ABI3BP: variants seen among roughly 807,000 people sequenced by gnomAD.
ABI3BP encodes the protein ABI family member 3 binding protein.
In ABI3BP, 216 loss-of-function variants were observed where a neutral mutation model predicts 268.6. The observed-to-expected ratio is 0.80, with a 90% CI of 0.72 to 0.90. The LOEUF (loss-of-function observed/expected upper bound fraction) is 0.90. Among genes scored for constraint, ABI3BP ranks in the 40% least tolerant of loss-of-function variants. The pLI, the probability that ABI3BP is intolerant of heterozygous loss-of-function variation, is 0.00. For missense variants in ABI3BP, 2,090 were observed against 2,182.4 expected (o/e 0.96, Z 0.84); for synonymous variants, 730 against 730.0 (o/e 1.00, Z 0.00).
chr3:100,846,963 T>C (rs567354464), intron 19 of ABI3BP, among the ~76,000 whole-genome samples: 53 of 152,346 alleles, frequency 3.5e-4, no homozygotes, highest in African/African-American at 1.2e-3. Flanking sequence ...TATATTTTTA[T>C]CAGCTTTATA....
At chr3:100,955,935 C>T (rs7632416) in intron 1 of ABI3BP, among the ~76,000 whole-genome samples, 85,594 of 151,850 alleles carry the variant, frequency 0.56, 24,783 homozygotes, top group East Asian at 0.89. Context: ...CACTTGTAAT[C>T]CCAGCATTTT....
intron 1 of ABI3BP, among the ~76,000 whole-genome samples, chr3:100,939,420 C>T (rs144236942): frequency 1.7e-3 from 259 of 152,062 alleles, no homozygotes; most frequent in African/African-American, 5.9e-3. Flanking sequence ...TTTCCTTAAG[C>T]GTCAGCCAGC....
At chr3:100,753,239 T>A (rs2095432748) in intron 65 of ABI3BP, among the ~76,000 whole-genome samples, 1 of 152,134 alleles carries the variant, frequency 6.6e-6, no homozygotes, top group Non-Finnish European at 1.5e-5. Context: ...TGTAGCATGT[T>A]ATAAAGTTTA....
At chr3:100,777,505 A>C (rs916228557) in intron 59 of ABI3BP, among the ~76,000 whole-genome samples, 1 of 152,252 alleles carries the variant, frequency 6.6e-6, no homozygotes, top group Admixed American at 6.5e-5. Flanking sequence ...GGACTTTGTC[A>C]TCACAGAGCT....
chr3:100,751,184 C>T (rs1559769714), intron 67 of ABI3BP, among the ~76,000 whole-genome samples: 1 of 151,946 alleles, frequency 6.6e-6, no homozygotes, highest in Non-Finnish European at 1.5e-5. Context: ...ACTATTTTTT[C>T]CATTTATGAT....
chr3:100,885,631 G>C, intron 5 of ABI3BP, 43 bp from the exon 6 acceptor site: 2 of 1,250,806 alleles, frequency 1.6e-6, no homozygotes, highest in South Asian at 1.4e-5. Context: ...TATTCTCCTT[G>C]CTCCTAAATC....
At chr3:100,787,436 G>A (rs569076387) in intron 57 of ABI3BP, among the ~76,000 whole-genome samples, 2 of 152,202 alleles carry the variant, frequency 1.3e-5, no homozygotes, top group South Asian at 4.1e-4. Flanking sequence ...AGGGGAAATA[G>A]CTATTTTTAG....
chr3:100,979,837 A>G (rs565026644), intron 1 of ABI3BP, among the ~76,000 whole-genome samples: 1 of 152,352 alleles, frequency 6.6e-6, no homozygotes, highest in African/African-American at 2.4e-5. Flanking sequence ...CCTTGTAAAC[A>G]TCTGAGAAAG....
chr3:100,932,189 T>C (rs534613864), intron 1 of ABI3BP, among the ~76,000 whole-genome samples: 1 of 152,146 alleles, frequency 6.6e-6, no homozygotes. Context: ...CCTTTCACCA[T>C]ATATAAAAAT....
At chr3:100,799,633 T>C (rs2097461466) in intron 51 of ABI3BP, among the ~76,000 whole-genome samples, 1 of 152,120 alleles carries the variant, frequency 6.6e-6, no homozygotes, top group African/African-American at 2.4e-5. Context: ...TTCTTAGGCC[T>C]TTTCCTGCCT....
chr3:100,768,627 A>T (rs942485050), intron 62 of ABI3BP, among the ~76,000 whole-genome samples: 1 of 152,232 alleles, frequency 6.6e-6, no homozygotes, highest in Non-Finnish European at 1.5e-5. Flanking sequence ...GATAAACATT[A>T]ACAATTTCTA....
At chr3:100,884,889 C>T (rs1269979813) in intron 6 of ABI3BP, among the ~76,000 whole-genome samples, 1 of 152,074 alleles carries the variant, frequency 6.6e-6, no homozygotes, top group Non-Finnish European at 1.5e-5. Flanking sequence ...TCTGTGGTGG[C>T]TCTAACAGTG....
At chr3:100,954,316 T>G (rs2076106389) in intron 1 of ABI3BP, among the ~76,000 whole-genome samples, 1 of 152,180 alleles carries the variant, frequency 6.6e-6, no homozygotes, top group Non-Finnish European at 1.5e-5. Flanking sequence ...ATTTTTTCTT[T>G]TGGTAAAATT....
rs758055236 is a variant in ABI3BP at position 100,822,640 on chromosome 3, G to T, written c.2836C>A (p.Arg946Ser). 2.0e-6 allele frequency: 3 copies of T among 1,536,452 alleles called. No homozygotes were observed. In the African/African-American group the frequency reaches 4.1e-5, roughly 21 times the overall value. The change falls in exon 38 of 68, where the codon CGT (arginine) becomes AGT (serine). Residue 946 changes from arginine to serine, a missense_variant. Physicochemically the swap from Arg to Ser is moderately radical, Grantham distance 110. Coordinates refer to ENST00000471714, the MANE Select transcript of ABI3BP (RefSeq NM_001375547.2). ...CGTGGTGTGGTTTTTGTTCTGAGAC[G>T]TGGACGACGTGTCCGTTGTGATGTT... Reference protein sequence around the residue: ...SKTSQRTRRPRLRTKTTPRPE... With the variant: ...SKTSQRTRRPSLRTKTTPRPE...
At chr3:100,888,442 C>T (rs2042977805) in intron 4 of ABI3BP, among the ~76,000 whole-genome samples, 1 of 152,050 alleles carries the variant, frequency 6.6e-6, no homozygotes, top group Non-Finnish European at 1.5e-5. Context: ...AATTATGCAT[C>T]TCTAGTAGAT....
At chr3:100,893,541 G>A (rs1331147801) in intron 4 of ABI3BP, among the ~76,000 whole-genome samples, 1 of 152,092 alleles carries the variant, frequency 6.6e-6, no homozygotes, top group East Asian at 1.9e-4. Flanking sequence ...ACTCTACTGG[G>A]TTTAGTAACT....
At chr3:100,750,823 G>A (rs1172641060) in intron 67 of ABI3BP, among the ~76,000 whole-genome samples, 3 of 152,132 alleles carry the variant, frequency 2.0e-5, no homozygotes, top group South Asian at 2.1e-4. Flanking sequence ...GACATTTGCC[G>A]TGTCAAGTTA....
intron 1 of ABI3BP, among the ~76,000 whole-genome samples, chr3:100,980,635 G>A (rs907918446): frequency 6.6e-6 from 1 of 152,204 alleles, no homozygotes; most frequent in Non-Finnish European, 1.5e-5. Context: ...AGGAAAATTT[G>A]GAAGTCATCT....
At chr3:100,870,014 T>C (rs1449771816) in intron 9 of ABI3BP, among the ~76,000 whole-genome samples, 1 of 152,194 alleles carries the variant, frequency 6.6e-6, no homozygotes, top group Non-Finnish European at 1.5e-5. Flanking sequence ...GAACAAGCTA[T>C]TATACTTCTT....
Sources: allele counts gnomAD v4.1 joint callset (sites outside exome capture counted in the v4.1 genomes callset), GRCh38; gene constraint gnomAD v4.1.1; transcripts MANE v1.5; gene names NCBI Gene and HGNC (gene_info 2026-07-23, HGNC 2026-07-21).